The following EIF4G3 variants were observed in gnomAD, a reference collection of about 807,000 sequenced individuals.
The protein encoded by EIF4G3 is eukaryotic translation initiation factor 4 gamma 3.
EIF4G3 carries 34 observed loss-of-function variants against 186.4 expected under a neutral mutation model. The ratio of observed to expected loss-of-function variants is 0.18; its 90% CI spans 0.14 to 0.24. EIF4G3 has a LOEUF of 0.24. EIF4G3 is among the 10% of genes least tolerant of loss of function. The pLI, the probability that EIF4G3 is intolerant of heterozygous loss-of-function variation, is 1.00. For missense variants in EIF4G3, 1,536 were observed against 1,948.5 expected, an observed-to-expected ratio of 0.79 and a Z score of 3.99; for synonymous variants, 673 against 679.5, an observed-to-expected ratio of 0.99 and a Z score of 0.15.
intron 29 of EIF4G3, among the ~76,000 whole-genome samples, chr1:20,841,903 G>C (rs971646625): frequency 4.6e-5 from 7 of 152,204 alleles, no homozygotes; most frequent in South Asian, 2.1e-4. Context: ...AGGTAGGAAG[G>C]GGGAGGATGT....
At chr1:20,902,269 G>T (rs979957013) in intron 15 of EIF4G3, among the ~76,000 whole-genome samples, 1 of 152,026 alleles carries the variant, frequency 6.6e-6, no homozygotes, top group African/African-American at 2.4e-5. Context: ...TCACCATGTT[G>T]GTCAGGCTGG....
At chr1:21,167,906 T>C (rs1026406735) in intron 2 of EIF4G3, 6 of 321,732 alleles carry the variant, frequency 1.9e-5, no homozygotes, top group African/African-American at 1.3e-4. Context: ...AGTTTTAATC[T>C]TGCAAATAAT....
chr1:20,977,439 G>C (rs1273751801), intron 10 of EIF4G3, among the ~76,000 whole-genome samples: 1 of 151,788 alleles, frequency 6.6e-6, no homozygotes, highest in Non-Finnish European at 1.5e-5. Context: ...CACCCACCTT[G>C]GTCTCCCAAA....
chr1:20,973,573 A>T (rs998190159), intron 10 of EIF4G3, among the ~76,000 whole-genome samples: 5 of 152,212 alleles, frequency 3.3e-5, no homozygotes, highest in Non-Finnish European at 7.3e-5. Context: ...AACTACTGCC[A>T]TAGGGAGGTA....
intron 2 of EIF4G3, among the ~76,000 whole-genome samples, chr1:21,092,581 C>T (rs1182348231): frequency 6.6e-6 from 1 of 152,106 alleles, no homozygotes; most frequent in Admixed American, 6.6e-5. Context: ...ACTTTCTTCA[C>T]AGAATTGGAA....
chr1:20,941,934 G>C lies in EIF4G3; in HGVS notation c.1220C>G (p.Ser407Cys), dbSNP rs2095732553. ...TATTTCATTAATTAGGTTAGTACTA[G>C]AAACCAGTGGAATATCATTAGGTGC... is the stretch of plus-strand genomic sequence containing the variant. The part of the protein sequence containing the change: ...SVAPNDIPLV[S>C]STNLINEING... The change falls in exon 14 of 37, where the codon TCT becomes TGT. Residue 407 changes from serine (S) to cysteine (C), a missense_variant. Transcript: ENST00000602326. The C allele has an allele frequency of 6.2e-7, 1 of 1,614,090 alleles. No individual in the cohort carries two copies. Among genetic ancestry groups the C allele is most frequent in the Non-Finnish European group, 8.5e-7 (1 of 1,180,000 alleles).
At chr1:21,170,707 G>A (rs1213728861) in intron 2 of EIF4G3, among the ~76,000 whole-genome samples, 1 of 151,868 alleles carries the variant, frequency 6.6e-6, no homozygotes, top group Non-Finnish European at 1.5e-5. Flanking sequence ...TAAAGATCAT[G>A]GTAGAGCATA....
intron 23 of EIF4G3, 127 bp from the exon 24 acceptor site, chr1:20,860,644 A>T (rs185403863): frequency 1.0e-5 from 11 of 1,057,778 alleles, no homozygotes; most frequent in Non-Finnish European, 1.2e-5. Context: ...GCAGTTTCTC[A>T]TGTATCTTAT....
chr1:20,950,255 C>A, intron 12 of EIF4G3, 144 bp from the exon 13 acceptor site: 2 of 488,508 alleles, frequency 4.1e-6, no homozygotes, highest in Non-Finnish European at 3.5e-6. Context: ...ATATATAGTC[C>A]AATTTAATAA....
intron 3 of EIF4G3, among the ~76,000 whole-genome samples, chr1:21,061,333 T>C (rs181969937): frequency 3.1e-4 from 47 of 152,268 alleles, no homozygotes; most frequent in Admixed American, 7.2e-4. Context: ...TTGTGAAGCA[T>C]TGTATATTTT....
At chr1:20,841,672 C>A (rs1008741459) in intron 29 of EIF4G3, among the ~76,000 whole-genome samples, 1 of 152,150 alleles carries the variant, frequency 6.6e-6, no homozygotes, top group South Asian at 2.1e-4. Context: ...TGCTTGTTAA[C>A]TGGTGTTTAC....
intron 4 of EIF4G3, among the ~76,000 whole-genome samples, chr1:21,013,554 G>A (rs982745059): frequency 1.3e-5 from 2 of 152,152 alleles, no homozygotes; most frequent in Non-Finnish European, 2.9e-5. Flanking sequence ...AAGTTCGGAT[G>A]GGAAGAGTGG....
intron 2 of EIF4G3, among the ~76,000 whole-genome samples, chr1:21,103,616 G>A (rs2096564609): frequency 6.6e-6 from 1 of 152,088 alleles, no homozygotes; most frequent in Non-Finnish European, 1.5e-5. Flanking sequence ...GGCCAAGGTG[G>A]GTGGATCATC....
chr1:20,858,321 G>C (rs2075534772), intron 24 of EIF4G3, among the ~76,000 whole-genome samples: 1 of 152,122 alleles, frequency 6.6e-6, no homozygotes, highest in South Asian at 2.1e-4. Context: ...GCCCTTCTTA[G>C]GTTCAGCTGC....
At chr1:21,089,688 G>T (rs957163) in intron 2 of EIF4G3, among the ~76,000 whole-genome samples, 43,753 of 151,584 alleles carry the variant, frequency 0.29, 8,073 homozygotes, top group Non-Finnish European at 0.41. Context: ...GGGAGGCTGA[G>T]GTGGTAGGAT....
chr1:21,005,760 T>C (rs1424682937), intron 4 of EIF4G3, among the ~76,000 whole-genome samples: 1 of 152,150 alleles, frequency 6.6e-6, no homozygotes, highest in East Asian at 1.9e-4. Flanking sequence ...CCAATGTGCC[T>C]TTTTCCAGAT....
intron 14 of EIF4G3, among the ~76,000 whole-genome samples, chr1:20,935,573 A>G (rs1176324760): frequency 6.6e-6 from 1 of 152,240 alleles, no homozygotes; most frequent in Non-Finnish European, 1.5e-5. Flanking sequence ...TTAAGGATAC[A>G]TAATAGTCAT....
chr1:21,053,539 G>T (rs1397787105), intron 3 of EIF4G3, among the ~76,000 whole-genome samples: 2 of 145,190 alleles, frequency 1.4e-5, no homozygotes, highest in African/African-American at 5.1e-5. Context: ...GTCCGGGAAG[G>T]AGGTGGGGGG....
intron 14 of EIF4G3, among the ~76,000 whole-genome samples, chr1:20,926,620 T>C (rs1234278112): frequency 6.6e-6 from 1 of 151,636 alleles, no homozygotes; most frequent in Non-Finnish European, 1.5e-5. Flanking sequence ...TGAGCCATGT[T>C]TATGCCACTG....
Sources: gnomAD v4.1 joint callset for allele counts (sites outside exome capture counted in the v4.1 genomes callset) on GRCh38, gnomAD v4.1.1 for gene constraint, MANE v1.5 for transcripts, NCBI Gene and HGNC (gene_info 2026-07-23, HGNC 2026-07-21) for gene names.